PPP1R9A: variants seen among roughly 807,000 people sequenced by gnomAD.
PPP1R9A encodes the protein protein phosphatase 1 regulatory subunit 9A.
PPP1R9A carries 59 observed loss-of-function variants against 141.9 expected under a neutral mutation model. That is an observed-to-expected ratio of 0.42 (90% CI 0.34 to 0.52). The LOEUF is 0.52. Among genes scored for constraint, PPP1R9A ranks in the 20% least tolerant of loss-of-function variants. PPP1R9A has a pLI of 0.10. For missense variants in PPP1R9A, 1,444 were observed against 1,611.9 expected (o/e 0.90, Z 1.78); for synonymous variants, 500 against 569.7 (o/e 0.88, Z 1.74).
intron 5 of PPP1R9A, among the ~76,000 whole-genome samples, chr7:95,173,238 C>G (rs998781881): frequency 6.6e-6 from 1 of 151,780 alleles, no homozygotes; most frequent in Admixed American, 6.6e-5. Flanking sequence ...CATGGACATA[C>G]AGAGGGAAAC....
intron 2 of PPP1R9A, among the ~76,000 whole-genome samples, chr7:94,917,504 A>T (rs11763246): frequency 0.59 from 89,253 of 151,764 alleles, 26,599 homozygotes; most frequent in South Asian, 0.72. Flanking sequence ...CCTCTGGGGC[A>T]CAAGTAATTC....
intron 4 of PPP1R9A, among the ~76,000 whole-genome samples, chr7:95,142,637 T>C (rs1451208100): frequency 6.6e-6 from 1 of 152,118 alleles, no homozygotes; most frequent in East Asian, 1.9e-4. Flanking sequence ...TGAATGATCT[T>C]GGCATCCTTG....
intron 6 of PPP1R9A, among the ~76,000 whole-genome samples, chr7:95,201,107 G>A (rs908569705): frequency 2.0e-5 from 3 of 151,976 alleles, no homozygotes; most frequent in Non-Finnish European, 2.9e-5. Flanking sequence ...CTAATAATAG[G>A]GAAATCAAGT....
chr7:95,139,208 T>C (rs895872459), intron 4 of PPP1R9A, among the ~76,000 whole-genome samples: 4 of 152,158 alleles, frequency 2.6e-5, no homozygotes, highest in African/African-American at 4.8e-5. Context: ...AGGAAACTTA[T>C]AGTCATGGCA....
chr7:95,284,160 A>G lies in PPP1R9A; in HGVS notation c.3439A>G (p.Thr1147Ala). ...SYSFRNLPAP[T>A]SSLQPSPETL... is the part of the protein sequence containing the mutation. ...TTCCTTCAGGAACCTGCCTGCGCCT[A>G]CAAGTTCCCTTCAGCCTTCTCCTGA... The change falls in exon 17 of 20, where the codon ACA (threonine) becomes GCA (alanine). Residue 1147 changes from threonine to alanine, a missense_variant. Transcript: ENST00000433360. The G allele has an allele frequency of 1.3e-6, 2 of 1,589,214 alleles. No individual in the cohort carries two copies. The highest frequency in any genetic ancestry group is 1.7e-6 in the Non-Finnish European group (2 of 1,170,446).
At chr7:95,032,583 A>G (rs1040341929) in intron 2 of PPP1R9A, among the ~76,000 whole-genome samples, 2 of 152,154 alleles carry the variant, frequency 1.3e-5, no homozygotes, top group Admixed American at 6.5e-5. Context: ...AATATATCTT[A>G]TTATATTCTA....
chr7:95,122,583 T>C (rs17305991), intron 4 of PPP1R9A, among the ~76,000 whole-genome samples: 93,855 of 152,116 alleles, frequency 0.62, 29,432 homozygotes, highest in African/African-American at 0.72. Context: ...ACATCTTAGT[T>C]GGTAGCCTTG....
At chr7:94,975,743 T>A (rs977374194) in intron 2 of PPP1R9A, among the ~76,000 whole-genome samples, 1 of 152,180 alleles carries the variant, frequency 6.6e-6, no homozygotes, top group East Asian at 1.9e-4. Context: ...TGGGAAAATA[T>A]ATCCCAAATC....
intron 3 of PPP1R9A, among the ~76,000 whole-genome samples, chr7:95,119,954 T>C (rs1450511688): frequency 3.6e-3 from 1 of 280 alleles, no homozygotes; most frequent in African/African-American, 0.026. Flanking sequence ...ATATACTATC[T>C]TTTTTTTTTT....
intron 2 of PPP1R9A, among the ~76,000 whole-genome samples, chr7:95,005,022 T>C (rs1289792005): frequency 1.3e-5 from 2 of 152,210 alleles, no homozygotes; most frequent in Non-Finnish European, 2.9e-5. Context: ...TAATTTTTCA[T>C]GGAAAAACTA....
chr7:94,981,225 C>T (rs552593982), intron 2 of PPP1R9A, among the ~76,000 whole-genome samples: 1 of 151,964 alleles, frequency 6.6e-6, no homozygotes, highest in African/African-American at 2.4e-5. Flanking sequence ...GCAGGGGGCC[C>T]AGTGTACTTA....
At chr7:95,026,392 G>A (rs2151772698) in intron 2 of PPP1R9A, among the ~76,000 whole-genome samples, 1 of 152,304 alleles carries the variant, frequency 6.6e-6, no homozygotes, top group East Asian at 1.9e-4. Context: ...GTTTACCTGG[G>A]TATCACCAGT....
At chr7:95,146,344 G>A (rs544110524) in intron 4 of PPP1R9A, among the ~76,000 whole-genome samples, 1 of 152,238 alleles carries the variant, frequency 6.6e-6, no homozygotes, top group Non-Finnish European at 1.5e-5. Context: ...TTTTGATGGG[G>A]TTGTTTGTTT....
At chr7:95,268,818 AAGCAGCT>A in intron 13 of PPP1R9A, 111 bp downstream of exon 13, 1 of 1,258,720 alleles carries the variant, frequency 7.9e-7, no homozygotes, top group Non-Finnish European at 1.1e-6. Context: ...CCTAGTTGGT[AAGCAGCT>A]AGAATAGTTC....
chr7:95,161,312 T>A (rs1830435015), intron 4 of PPP1R9A, among the ~76,000 whole-genome samples: 1 of 152,180 alleles, frequency 6.6e-6, no homozygotes, highest in Non-Finnish European at 1.5e-5. Context: ...GTTGGTCATT[T>A]GTATGTCTTC....
chr7:94,934,929 A>G (rs1794603926), intron 2 of PPP1R9A, among the ~76,000 whole-genome samples: 1 of 151,968 alleles, frequency 6.6e-6, no homozygotes, highest in Non-Finnish European at 1.5e-5. Context: ...TGTGGTCATA[A>G]TTCACTGAAG....
chr7:95,012,991 G>A (rs1366635481), intron 2 of PPP1R9A, among the ~76,000 whole-genome samples: 1 of 152,120 alleles, frequency 6.6e-6, no homozygotes, highest in African/African-American at 2.4e-5. Flanking sequence ...TGTATATGTA[G>A]TAGGTTTTAT....
At chr7:95,274,278 G>A (rs1802756566) in intron 16 of PPP1R9A, 110 bp downstream of exon 16, 2 of 1,009,560 alleles carry the variant, frequency 2.0e-6, no homozygotes, top group African/African-American at 1.6e-5. Flanking sequence ...AAAGTGATAT[G>A]CCAAGAATTG....
intron 2 of PPP1R9A, among the ~76,000 whole-genome samples, chr7:94,990,591 T>C (rs1401521686): frequency 6.6e-6 from 1 of 152,168 alleles, no homozygotes; most frequent in Admixed American, 6.5e-5. Context: ...TATATGAAAC[T>C]ATGTATTATT....
Sources: gnomAD v4.1 joint callset for allele counts (sites outside exome capture counted in the v4.1 genomes callset) on GRCh38, gnomAD v4.1.1 for gene constraint, MANE v1.5 for transcripts, NCBI Gene and HGNC (gene_info 2026-07-23, HGNC 2026-07-21) for gene names.